The following NHS variants were observed in gnomAD, a reference collection of about 807,000 sequenced individuals.
NHS encodes actin remodeling regulator NHS.
A neutral mutation model predicts 72.5 loss-of-function variants in NHS; 5 were observed. The observed-to-expected ratio is 0.07, with a 90% CI of 0.04 to 0.14. The LOEUF (loss-of-function observed/expected upper bound fraction) is 0.14. NHS is among the 10% of genes least tolerant of loss of function. NHS has a pLI of 1.00. For missense variants in NHS, 1,072 were observed against 1,355.7 expected, an observed-to-expected ratio of 0.79 and a Z score of 3.29; for synonymous variants, 464 against 547.7, an observed-to-expected ratio of 0.85 and a Z score of 2.13.
chrX:17,718,994 A>G (rs925923168), intron 3 of NHS, among the ~76,000 whole-genome samples: 4 of 95,014 alleles, frequency 4.2e-5, no homozygotes, highest in Non-Finnish European at 8.5e-5. Flanking sequence ...GAGGGAAGGA[A>G]GAAGGAATGG....
At chrX:17,566,822 C>T (rs2065446800) in intron 1 of NHS, among the ~76,000 whole-genome samples, 1 of 110,888 alleles carries the variant, frequency 9.0e-6, no homozygotes. Context: ...ATGGGATGTA[C>T]TGTGAACATC....
At chrX:17,538,395 G>C (rs2065241612) in intron 1 of NHS, among the ~76,000 whole-genome samples, 1 of 111,681 alleles carries the variant, frequency 9.0e-6, no homozygotes, top group Non-Finnish European at 1.9e-5. Context: ...GGGACGAGAA[G>C]GAAGCTGACA....
At chrX:17,411,104 A>G (rs1346970329) in intron 1 of NHS, among the ~76,000 whole-genome samples, 1 of 112,340 alleles carries the variant, frequency 8.9e-6, no homozygotes, top group Non-Finnish European at 1.9e-5. Context: ...GGTTATCCCA[A>G]TGTTTTCAAC....
intron 1 of NHS, among the ~76,000 whole-genome samples, chrX:17,632,447 T>C: frequency 9.1e-6 from 1 of 110,304 alleles, no homozygotes; most frequent in Admixed American, 9.7e-5. Flanking sequence ...TTACCACCTT[T>C]GCATAGATCC....
intron 3 of NHS, among the ~76,000 whole-genome samples, chrX:17,705,967 T>C (rs968518330): frequency 2.7e-4 from 30 of 111,661 alleles, no homozygotes; most frequent in African/African-American, 9.1e-4. Flanking sequence ...AGTGGGAAGA[T>C]TGGCTGAGCT....
At chrX:17,463,388 C>T (rs1367373481) in intron 1 of NHS, among the ~76,000 whole-genome samples, 3 of 109,151 alleles carry the variant, frequency 2.7e-5, no homozygotes, top group Non-Finnish European at 5.7e-5. Flanking sequence ...TTTTTTCCCC[C>T]GGAGGAAGAA....
At chrX:17,475,345 T>C (rs1359032103) in intron 1 of NHS, among the ~76,000 whole-genome samples, 3 of 112,406 alleles carry the variant, frequency 2.7e-5, no homozygotes, top group Non-Finnish European at 5.6e-5. Context: ...AGAACGAATG[T>C]CGCTCAGATA....
rs766328455 is a variant in NHS at position 17,726,367 on chromosome X, C to G, written c.2261C>G (p.Thr754Arg). Residue 754 changes from threonine to arginine, a missense_variant, in exon 7 of 9, where the codon ACA (threonine) becomes AGA (arginine). By Grantham distance (71) the Thr-to-Arg change is moderately conservative (BLOSUM62 -1). Coordinates refer to ENST00000676302, the MANE Select transcript of NHS (RefSeq NM_001291867.2). ...KADSLGCPSF[T>R]SMATYDSFLE... ...GACAGCCTGGGCTGCCCAAGCTTCA[C>G]AAGCATGGCCACTTATGACAGCTTT... is the stretch of plus-strand genomic sequence containing the variant. 8.3e-7 allele frequency: 1 copy of G among 1,210,744 alleles called. No homozygotes were observed. The highest frequency in any genetic ancestry group is 1.1e-6 in the Non-Finnish European group (1 of 895,395).
chrX:17,525,629 C>CT (rs1244154166), intron 1 of NHS, among the ~76,000 whole-genome samples: 2 of 71,408 alleles, frequency 2.8e-5, no homozygotes, highest in African/African-American at 1.1e-4. Context: ...TTTCTTTTTT[C>CT]TTTCTTTTCT....
At chrX:17,606,996 A>G (rs2065683363) in intron 1 of NHS, among the ~76,000 whole-genome samples, 2 of 112,505 alleles carry the variant, frequency 1.8e-5, no homozygotes, top group African/African-American at 6.5e-5. Flanking sequence ...CATGGGGCAC[A>G]GAGTACATTA....
chrX:17,515,215 C>A (rs770206211), intron 1 of NHS, among the ~76,000 whole-genome samples: 7 of 111,956 alleles, frequency 6.3e-5, no homozygotes, highest in African/African-American at 2.3e-4. Context: ...GCCTGTATGA[C>A]CCTTCCATGC....
intron 1 of NHS, among the ~76,000 whole-genome samples, chrX:17,481,002 A>G (rs750226651): frequency 9.0e-6 from 1 of 111,712 alleles, no homozygotes; most frequent in South Asian, 3.8e-4. Context: ...ACATAGATGA[A>G]TGCATTGCAA....
Position 17,728,020 on chromosome X carries a change from A to G in NHS, c.3914A>G (p.Lys1305Arg), listed in dbSNP as rs766112907. ...GACGAAACTCTAGAACAGGTACAGAAGGCACCCTCTGCAGGTCTGGAGGAA... is the reference window on the plus strand; with the variant it reads ...GACGAAACTCTAGAACAGGTACAGAGGGCACCCTCTGCAGGTCTGGAGGAA... ...GPDETLEQVQ[K>R]APSAGLEEVA... Residue 1305 changes from lysine (K) to arginine (R), a missense_variant, in exon 7 of 9, where the codon AAG becomes AGG. Coordinates refer to ENST00000676302, the MANE Select transcript of NHS (RefSeq NM_001291867.2). The G allele has an allele frequency of 8.3e-7, 1 of 1,210,024 alleles. No individual in the cohort carries two copies. The highest frequency in any genetic ancestry group is 2.2e-5 in the Admixed American group (1 of 45,740).
intron 1 of NHS, among the ~76,000 whole-genome samples, chrX:17,517,127 C>A (rs1022530424): frequency 4.5e-4 from 51 of 112,151 alleles, no homozygotes; most frequent in African/African-American, 1.5e-3. Context: ...TTCATGGGAG[C>A]AAGTGGTTCT....
intron 1 of NHS, among the ~76,000 whole-genome samples, chrX:17,411,448 C>A (rs1243360125): frequency 9.0e-6 from 1 of 111,536 alleles, no homozygotes; most frequent in Non-Finnish European, 1.9e-5. Context: ...TGACAGCCTG[C>A]ATCTACATAC....
intron 1 of NHS, among the ~76,000 whole-genome samples, chrX:17,482,797 G>A (rs1310045669): frequency 8.9e-6 from 1 of 112,183 alleles, no homozygotes; most frequent in East Asian, 2.8e-4. Context: ...CTATTCAGCG[G>A]ATTTCTCTTT....
chrX:17,659,726 C>T (rs1184899798), intron 1 of NHS, among the ~76,000 whole-genome samples: 1 of 112,363 alleles, frequency 8.9e-6, no homozygotes, highest in Non-Finnish European at 1.9e-5. Context: ...CACTTATAAT[C>T]AGGCAAAGAA....
intron 1 of NHS, among the ~76,000 whole-genome samples, chrX:17,427,685 A>G (rs770373883): frequency 6.2e-5 from 7 of 112,510 alleles, no homozygotes; most frequent in Non-Finnish European, 1.3e-4. Context: ...TCTGTCTTGC[A>G]CAGATAATAG....
intron 1 of NHS, among the ~76,000 whole-genome samples, chrX:17,442,639 T>C (rs752989114): frequency 8.9e-6 from 1 of 112,525 alleles, no homozygotes; most frequent in African/African-American, 3.2e-5. Flanking sequence ...TTATTTAGCA[T>C]AATTATAGCA....
Sources: gnomAD v4.1 joint callset for allele counts (sites outside exome capture counted in the v4.1 genomes callset) on GRCh38, gnomAD v4.1.1 for gene constraint, MANE v1.5 for transcripts, NCBI Gene and HGNC (gene_info 2026-07-23, HGNC 2026-07-21) for gene names.